Variants in NRXN3 observed in about 807,000 individuals in gnomAD.
NRXN3 encodes neurexin III.
In NRXN3, 32 loss-of-function variants were observed where a neutral mutation model predicts 137.6. The ratio of observed to expected loss-of-function variants is 0.23; its 90% CI spans 0.18 to 0.31. The LOEUF (loss-of-function observed/expected upper bound fraction) is 0.31. Ranked by LOEUF, NRXN3 falls within the 10% of genes least tolerant of loss-of-function variation. NRXN3 has a pLI of 1.00. For missense variants in NRXN3, 1,574 were observed against 2,062.5 expected, an observed-to-expected ratio of 0.76 and a Z score of 4.59; for synonymous variants, 798 against 784.5, an observed-to-expected ratio of 1.02 and a Z score of -0.29.
Position 78,698,874 on chromosome 14 carries a change from C to T in NRXN3, c.1222-10343C>T, listed in dbSNP as rs12588444. Among the ~76,000 whole-genome samples, 963 of 152,154 alleles carry T rather than the reference C, an allele frequency of 6.3e-3. 54 individuals are homozygous for T. The East Asian group carries it at 0.14, about 22-fold the overall frequency. On this transcript the variant is annotated intron_variant, in intron 6 of 20. Coordinates refer to ENST00000335750, the MANE Select transcript of NRXN3 (RefSeq NM_001330195.2). ...TAACCATTTGTAATACTTTAGCTTT[C>T]TACCTTTTCATCTCATTACTTATTT...
chr14:78,994,843 A>C (rs532351923), intron 15 of NRXN3, among the ~76,000 whole-genome samples: 2 of 152,310 alleles, frequency 1.3e-5, no homozygotes, highest in Admixed American at 6.5e-5. Flanking sequence ...TTAAGTCCTT[A>C]TCATGGTCCT....
intron 19 of NRXN3, among the ~76,000 whole-genome samples, chr14:79,758,980 T>C (rs2099029345): frequency 6.6e-6 from 1 of 152,230 alleles, no homozygotes; most frequent in Admixed American, 6.5e-5. Context: ...TTTGCCTTAA[T>C]ATCCTCTTAT....
At position 79,467,334 on chromosome 14, in the gene NRXN3, G is replaced by A; in HGVS notation, c.3376G>A (p.Val1126Met). The A allele has an allele frequency of 2.5e-6, 4 of 1,613,694 alleles. No homozygotes were observed. Among genetic ancestry groups the A allele is most frequent in the Non-Finnish European group, 3.4e-6 (4 of 1,179,570 alleles). ...DRLAVGFSTT[V>M]KDGILVRIDS... ...CCTTGCCGTGGGCTTCAGCACCACT[G>A]TGAAGGATGGCATCTTGGTCCGCAT... Residue 1126 changes from valine (V) to methionine (M), a missense_variant, in exon 16 of 21, where the codon GTG (valine) becomes ATG (methionine). Around this residue, in one of 5 missense-constraint regions of NRXN3, gnomAD observed 133 missense variants for 241.8 expected, o/e 0.55. Transcript: ENST00000335750.
intron 16 of NRXN3, among the ~76,000 whole-genome samples, chr14:79,500,256 A>AAC (rs55999229): frequency 1.4e-5 from 2 of 141,826 alleles, no homozygotes; most frequent in Non-Finnish European, 3.1e-5. Flanking sequence ...AAAAAAAAAA[A>AAC]CCCATAGGAA....
At chr14:79,320,417 A>G (rs966514177) in intron 15 of NRXN3, among the ~76,000 whole-genome samples, 1 of 152,182 alleles carries the variant, frequency 6.6e-6, no homozygotes, top group Non-Finnish European at 1.5e-5. Context: ...CAATCTCCGC[A>G]TTGTTAATGG....
intron 2 of NRXN3, among the ~76,000 whole-genome samples, chr14:78,261,210 G>A (rs1352534550): frequency 5.3e-5 from 8 of 152,126 alleles, no homozygotes; most frequent in Non-Finnish European, 1.0e-4. Flanking sequence ...CCTTGTCCTC[G>A]GCTGGCCCAG....
At chr14:79,365,414 A>T (rs1248682148) in intron 15 of NRXN3, among the ~76,000 whole-genome samples, 1 of 152,176 alleles carries the variant, frequency 6.6e-6, no homozygotes, top group Non-Finnish European at 1.5e-5. Flanking sequence ...TGTATTTGCC[A>T]TCTCACCACA....
chr14:79,169,549 C>T lies in NRXN3; in HGVS notation c.3262+181408C>T, dbSNP rs11846331. 4.2e-3 allele frequency among the ~76,000 whole-genome samples: 637 copies of T among 152,150 alleles called. 7 individuals carry two copies. The highest frequency in any genetic ancestry group is 0.015 in the African/African-American group (602 of 41,514). On this transcript the variant is annotated intron_variant, in intron 15 of 20. Transcript: ENST00000335750. ...TGATAATACTTACCTTTGTCACTTT[C>T]GTCTCACCTAGGTCCAGGCATGAGC... is the stretch of plus-strand genomic sequence containing the variant.
intron 8 of NRXN3, among the ~76,000 whole-genome samples, chr14:78,717,462 C>T (rs192509326): frequency 2.7e-4 from 41 of 152,254 alleles, no homozygotes; most frequent in African/African-American, 5.5e-4. Context: ...AAATCCCAGA[C>T]GGTTCAACTG....
intron 10 of NRXN3, among the ~76,000 whole-genome samples, chr14:78,869,484 T>C (rs577606057): frequency 6.6e-6 from 1 of 152,308 alleles, no homozygotes; most frequent in East Asian, 1.9e-4. Context: ...TGTTTCTCTG[T>C]GGTCTGGCTT....
At chr14:78,526,119 A>G (rs1046729501) in intron 4 of NRXN3, among the ~76,000 whole-genome samples, 6 of 152,222 alleles carry the variant, frequency 3.9e-5, no homozygotes, top group African/African-American at 1.4e-4. Context: ...TAGCCGCATA[A>G]TTACTTAGTT....
At chr14:79,760,229 G>A (rs763660863) in intron 19 of NRXN3, among the ~76,000 whole-genome samples, 13 of 151,644 alleles carry the variant, frequency 8.6e-5, no homozygotes, top group Middle Eastern at 3.4e-3. Context: ...AAAAAGTGTG[G>A]CGAGCTAATT....
chr14:78,698,066 T>C (rs1594857101), intron 6 of NRXN3: 2 of 151,756 alleles, frequency 1.3e-5, no homozygotes, highest in Middle Eastern at 6.8e-3. Context: ...CCACGTGTAT[T>C]TTGTATAAAT....
At chr14:79,370,581 G>A (rs949510801) in intron 15 of NRXN3, among the ~76,000 whole-genome samples, 12 of 151,962 alleles carry the variant, frequency 7.9e-5, no homozygotes, top group African/African-American at 2.9e-4. Flanking sequence ...GCCTCCCAAA[G>A]TGCTGGGATT....
At chr14:78,706,888 G>GTAACTAATTCTACAT (rs2098357294) in intron 6 of NRXN3, among the ~76,000 whole-genome samples, 1 of 152,114 alleles carries the variant, frequency 6.6e-6, no homozygotes, top group Non-Finnish European at 1.5e-5. Flanking sequence ...ATGAGAGATG[G>GTAACTAATTCTACAT]GAACTAATTC....
chr14:79,326,690 A>G (rs1224818811), intron 15 of NRXN3, among the ~76,000 whole-genome samples: 1 of 152,210 alleles, frequency 6.6e-6, no homozygotes, highest in Non-Finnish European at 1.5e-5. Context: ...AAATAAATAT[A>G]AAAGATCTGT....
intron 15 of NRXN3, among the ~76,000 whole-genome samples, chr14:79,327,622 T>A (rs1354295832): frequency 6.6e-6 from 1 of 152,238 alleles, no homozygotes; most frequent in Non-Finnish European, 1.5e-5. Context: ...AGTTCAGATA[T>A]CATCTGTGTC....
intron 1 of NRXN3, among the ~76,000 whole-genome samples, chr14:78,190,550 A>T (rs2060617508): frequency 6.6e-6 from 1 of 152,250 alleles, no homozygotes; most frequent in Non-Finnish European, 1.5e-5. Flanking sequence ...AATGACAACC[A>T]GCAGTGTTGT....
At chr14:78,673,445 G>T (rs927581657) in intron 6 of NRXN3, among the ~76,000 whole-genome samples, 1 of 152,212 alleles carries the variant, frequency 6.6e-6, no homozygotes, top group East Asian at 1.9e-4. Flanking sequence ...GCACTTGGAG[G>T]TTATAGGAGT....
Sources: allele counts gnomAD v4.1 joint callset (sites outside exome capture counted in the v4.1 genomes callset), GRCh38; gene constraint gnomAD v4.1.1; regional missense constraint gnomAD v4.1.1; transcripts MANE v1.5; gene names NCBI Gene and HGNC (gene_info 2026-07-23, HGNC 2026-07-21).